Variants in NECAB1 observed in about 807,000 individuals in gnomAD.
NECAB1 encodes N-terminal EF-hand calcium-binding protein 1.
NECAB1 carries 29 observed loss-of-function variants against 57.5 expected under a neutral mutation model. The ratio of observed to expected loss-of-function variants is 0.50; its 90% CI spans 0.38 to 0.69. The LOEUF is 0.69. Among genes scored for constraint, NECAB1 ranks in the 30% least tolerant of loss-of-function variants. The pLI is 0.00. For synonymous variants in NECAB1, 142 were observed against 147.7 expected, an observed-to-expected ratio of 0.96 and a Z score of 0.28; for missense variants, 372 against 413.8, an observed-to-expected ratio of 0.90 and a Z score of 0.88.
At chr8:90,937,878 T>G (rs1281901651) in intron 9 of NECAB1, among the ~76,000 whole-genome samples, 2 of 152,166 alleles carry the variant, frequency 1.3e-5, no homozygotes, top group African/African-American at 2.4e-5. Context: ...CATTCTGCCA[T>G]ACATTCCTAA....
At chr8:90,907,151 T>TGTGAGAGAGA (rs1341940094) in intron 5 of NECAB1, among the ~76,000 whole-genome samples, 1 of 102,040 alleles carries the variant, frequency 9.8e-6, no homozygotes, top group Non-Finnish European at 1.9e-5. Context: ...TGTGTGTGTG[T>TGTGAGAGAGA]GAGAGAGAGA....
At chr8:90,940,514 C>A (rs533166062) in intron 9 of NECAB1, 23 of 340,966 alleles carry the variant, frequency 6.7e-5, no homozygotes, top group Non-Finnish European at 2.2e-5. Context: ...TTTAAAACTT[C>A]TCGAGTCATT....
intron 1 of NECAB1, among the ~76,000 whole-genome samples, chr8:90,799,135 A>T (rs988791601): frequency 6.6e-6 from 1 of 152,032 alleles, no homozygotes; most frequent in Non-Finnish European, 1.5e-5. Flanking sequence ...TCTTTTGCCC[A>T]CTTCTTAATG....
intron 3 of NECAB1, among the ~76,000 whole-genome samples, chr8:90,830,961 A>G (rs1812290766): frequency 6.6e-6 from 1 of 152,150 alleles, no homozygotes; most frequent in Non-Finnish European, 1.5e-5. Context: ...AAGCTGACTT[A>G]AGGAAATAAT....
chr8:90,886,952 A>C (rs1809010761), intron 5 of NECAB1, among the ~76,000 whole-genome samples: 1 of 152,150 alleles, frequency 6.6e-6, no homozygotes. Context: ...TTGTTAAATC[A>C]GGTCATATAT....
intron 3 of NECAB1, among the ~76,000 whole-genome samples, chr8:90,846,123 G>A (rs189835639): frequency 9.2e-5 from 14 of 152,298 alleles, no homozygotes; most frequent in South Asian, 4.1e-4. Flanking sequence ...ATGTAATGCC[G>A]AACACAGCTG....
chr8:90,869,453 G>A (rs1344083127), intron 3 of NECAB1, among the ~76,000 whole-genome samples: 1 of 152,204 alleles, frequency 6.6e-6, no homozygotes, highest in Non-Finnish European at 1.5e-5. Context: ...AGCTACAGGG[G>A]CTGGACCCTG....
At chr8:90,864,550 T>C (rs1384435286) in intron 3 of NECAB1, among the ~76,000 whole-genome samples, 2 of 152,054 alleles carry the variant, frequency 1.3e-5, no homozygotes, top group African/African-American at 2.4e-5. Context: ...AGAACCCAAC[T>C]CAACACAGCG....
chr8:90,918,582 G>A (rs1163763733), intron 6 of NECAB1, among the ~76,000 whole-genome samples: 1 of 152,138 alleles, frequency 6.6e-6, no homozygotes, highest in Non-Finnish European at 1.5e-5. Flanking sequence ...ATTTCATGGA[G>A]TTTCTCTATT....
intron 3 of NECAB1, among the ~76,000 whole-genome samples, chr8:90,849,461 C>T (rs1454807789): frequency 6.7e-6 from 1 of 149,008 alleles, no homozygotes; most frequent in Non-Finnish European, 1.5e-5. Context: ...AGAGCAAAAC[C>T]CTATCTCAAA....
intron 10 of NECAB1, among the ~76,000 whole-genome samples, chr8:90,944,962 A>G (rs1157240873): frequency 6.6e-6 from 1 of 151,718 alleles, no homozygotes; most frequent in Non-Finnish European, 1.5e-5. Context: ...CAGTGGTGCA[A>G]TCTCGGCTCA....
chr8:90,951,276 A>G lies in NECAB1; in HGVS notation c.1030+72A>G, dbSNP rs547420104. 1,422 of 833,814 alleles carry G rather than the reference A, an allele frequency of 1.7e-3. 8 individuals carry two copies. The highest frequency in any genetic ancestry group is 2.4e-3 in the Non-Finnish European group (1,236 of 517,280). 51.7% of individuals were successfully genotyped at this position (833,814 alleles called of 1,614,324 possible). A position where few individuals can be genotyped will look rare whatever the true frequency, so the allele number is the denominator to read the frequency against. On this transcript the variant is annotated intron_variant, in intron 12 of 12. Transcript: ENST00000417640. ...GTTTGTTTGTTTCGTAAAAGATAGT[A>G]TGCTCTTTCCTTCTATATTTTATCA...
At chr8:90,824,048 A>C (rs1262375305) in intron 2 of NECAB1, among the ~76,000 whole-genome samples, 1 of 90 alleles carries the variant, frequency 0.011, no homozygotes, top group Non-Finnish European at 0.022. Context: ...TTGTTACCCA[A>C]AACTCCCATA....
At chr8:90,828,129 C>T (rs1002471134) in intron 3 of NECAB1, among the ~76,000 whole-genome samples, 1 of 113,040 alleles carries the variant, frequency 8.8e-6, no homozygotes, top group Non-Finnish European at 1.7e-5. Flanking sequence ...TAGTTCACTG[C>T]AGTTTTTTTT....
intron 6 of NECAB1, among the ~76,000 whole-genome samples, chr8:90,920,204 G>A (rs140456423): frequency 1.3e-3 from 192 of 152,260 alleles, no homozygotes; most frequent in Non-Finnish European, 2.2e-3. Flanking sequence ...AGACACCCAG[G>A]AATGACAAAA....
rs1810239615 is a variant in NECAB1, at chr8:90,925,393, G to A, written c.495-142G>A. On this transcript the variant is annotated intron_variant, in intron 6 of 12. Coordinates refer to ENST00000417640, the MANE Select transcript of NECAB1 (RefSeq NM_022351.5). Reference sequence around the variant, plus strand: ...AGTACCAAATTACATTGGGTTTCTAGAGCATTTACAAGCAGTCATTCTCAT... The same window carrying A: ...AGTACCAAATTACATTGGGTTTCTAAAGCATTTACAAGCAGTCATTCTCAT... The A allele has an allele frequency of 3.7e-6, 3 of 820,902 alleles. No homozygotes were observed. In the Admixed American group the frequency reaches 8.3e-5, roughly 23 times the overall value. 50.9% of individuals were successfully genotyped at this position (820,902 alleles called of 1,614,324 possible). A position where few individuals can be genotyped will look rare whatever the true frequency, so the allele number is the denominator to read the frequency against.
intron 5 of NECAB1, among the ~76,000 whole-genome samples, chr8:90,900,497 C>G (rs1809475290): frequency 6.6e-6 from 1 of 152,118 alleles, no homozygotes; most frequent in Non-Finnish European, 1.5e-5. Context: ...AGTAGACTTG[C>G]CTAAAATCAT....
chr8:90,954,055 C>T (rs181310007), intron 12 of NECAB1, among the ~76,000 whole-genome samples: 8 of 146,808 alleles, frequency 5.4e-5, no homozygotes, highest in South Asian at 2.2e-4. Context: ...GGTGACAGAA[C>T]GAGACTGTCT....
chr8:90,881,640 A>G (rs897215277), intron 5 of NECAB1, among the ~76,000 whole-genome samples: 1 of 152,122 alleles, frequency 6.6e-6, no homozygotes, highest in Non-Finnish European at 1.5e-5. Flanking sequence ...GCCTTCCACC[A>G]TGATTGAAAG....
Sources: gnomAD v4.1 joint callset for allele counts (sites outside exome capture counted in the v4.1 genomes callset) on GRCh38, gnomAD v4.1.1 for gene constraint, MANE v1.5 for transcripts, NCBI Gene and HGNC (gene_info 2026-07-23, HGNC 2026-07-21) for gene names.